TBCD: variants seen among roughly 807,000 people sequenced by gnomAD.
The protein encoded by TBCD is tubulin-specific chaperone D.
TBCD carries 105 observed loss-of-function variants against 169.3 expected under a neutral mutation model. That is an observed-to-expected ratio of 0.62 (90% CI 0.53 to 0.73). The LOEUF is 0.73. TBCD is among the 30% of genes least tolerant of loss of function. TBCD has a pLI of 0.00. For synonymous variants in TBCD, 700 were observed against 643.9 expected, an observed-to-expected ratio of 1.09 and a Z score of -1.32; for missense variants, 1,444 against 1,600.1, an observed-to-expected ratio of 0.90 and a Z score of 1.66.
chr17:82,818,180 A>G (rs2052097220), intron 13 of TBCD, among the ~76,000 whole-genome samples: 1 of 152,242 alleles, frequency 6.6e-6, no homozygotes. Flanking sequence ...GTGATGTGGA[A>G]TACACTGGCC....
At chr17:82,830,610 G>T (rs773596288) in intron 13 of TBCD, 1 of 1,613,950 alleles carries the variant, frequency 6.2e-7, no homozygotes, top group Non-Finnish European at 8.5e-7. Flanking sequence ...GTCGACCGGG[G>T]AAGGCAGGCC....
At chr17:82,821,538 A>G (rs970242443) in intron 13 of TBCD, among the ~76,000 whole-genome samples, 5 of 152,158 alleles carry the variant, frequency 3.3e-5, no homozygotes, top group South Asian at 2.1e-4. Context: ...AGCATCTACA[A>G]AGCTTTTCTC....
chr17:82,906,178 C>CA (rs1273185805), intron 20 of TBCD, 125 bp downstream of exon 20: 2 of 736,452 alleles, frequency 2.7e-6, no homozygotes, highest in African/African-American at 3.5e-5. Flanking sequence ...GCACCAGTGT[C>CA]ACAGTCGATA....
intron 13 of TBCD, among the ~76,000 whole-genome samples, chr17:82,854,818 A>C (rs1039182298): frequency 1.3e-5 from 2 of 152,230 alleles, no homozygotes; most frequent in Non-Finnish European, 2.9e-5. Context: ...TCTATCACGT[A>C]TTGAAAGAGT....
At chr17:82,847,364 A>C (rs1179225592) in intron 13 of TBCD, among the ~76,000 whole-genome samples, 1 of 149,860 alleles carries the variant, frequency 6.7e-6, no homozygotes, top group Non-Finnish European at 1.5e-5. Flanking sequence ...AAGAAAAAAA[A>C]AAAAAAAAAA....
intron 13 of TBCD, among the ~76,000 whole-genome samples, chr17:82,837,351 C>G (rs2054078465): frequency 6.6e-6 from 1 of 152,160 alleles, no homozygotes; most frequent in South Asian, 2.1e-4. Flanking sequence ...CTGGCAGCTG[C>G]TGGTGTTAAA....
intron 12 of TBCD, among the ~76,000 whole-genome samples, chr17:82,813,075 G>A (rs746719951): frequency 5.0e-5 from 7 of 139,482 alleles, no homozygotes; most frequent in South Asian, 2.3e-4. Flanking sequence ...CTCTTGCCTC[G>A]GTTTCCCAAA....
intron 7 of TBCD, among the ~76,000 whole-genome samples, chr17:82,783,096 A>AG (rs539963733): frequency 6.1e-5 from 2 of 32,972 alleles, no homozygotes; most frequent in Non-Finnish European, 1.3e-4. Context: ...AGCTGGGTGG[A>AG]GGGGGGCTGT....
Position 82,911,756 on chromosome 17 carries a change from A to C in TBCD, c.2007-2A>C. Reference sequence around the variant, plus strand: ...AATTCTGATGTTTTCATTCCTTTTCAGGGGTCTGGGAGGACAGCTCATGAG... The same window carrying C: ...AATTCTGATGTTTTCATTCCTTTTCCGGGGTCTGGGAGGACAGCTCATGAG... On this transcript the variant is annotated splice_acceptor_variant, in intron 22 of 38. Transcript: ENST00000355528. LOFTEE classifies it high-confidence loss of function. 1 of 1,613,790 alleles carries C rather than the reference A, an allele frequency of 6.2e-7. No individual in the cohort carries two copies. Among genetic ancestry groups the C allele is most frequent in the Non-Finnish European group, 8.5e-7 (1 of 1,179,818 alleles).
At chr17:82,769,998 C>T (rs1229815202) in intron 5 of TBCD, among the ~76,000 whole-genome samples, 3 of 152,230 alleles carry the variant, frequency 2.0e-5, no homozygotes, top group East Asian at 1.9e-4. Flanking sequence ...TTCTTACCCT[C>T]GTTTAACCGA....
At chr17:82,846,320 G>GCTGCCCCCTCCACGCGCTGCGTCCGGCA (rs2055098131) in intron 13 of TBCD, among the ~76,000 whole-genome samples, 1 of 104,314 alleles carries the variant, frequency 9.6e-6, no homozygotes, top group Non-Finnish European at 2.2e-5. Context: ...TGCGTCCAGC[G>GCTGCCCCCTCCACGCGCTGCGTCCGGCA]TGCCGTGTCC....
intron 23 of TBCD, among the ~76,000 whole-genome samples, chr17:82,916,386 A>G (rs2147056424): frequency 6.6e-6 from 1 of 152,234 alleles, no homozygotes; most frequent in East Asian, 1.9e-4. Flanking sequence ...CTGGGATTAC[A>G]GGCATGCGCC....
chr17:82,779,425 G>A (rs963266141), intron 6 of TBCD, among the ~76,000 whole-genome samples: 5 of 152,130 alleles, frequency 3.3e-5, no homozygotes, highest in African/African-American at 1.2e-4. Flanking sequence ...CCAGCCAAAT[G>A]ATTCTTTACT....
intron 6 of TBCD, among the ~76,000 whole-genome samples, chr17:82,774,304 C>G (rs990077265): frequency 6.6e-6 from 1 of 152,108 alleles, no homozygotes; most frequent in Non-Finnish European, 1.5e-5. Flanking sequence ...CATCTTGCAC[C>G]GCCCTTAATC....
At chr17:82,847,410 T>C (rs550295220) in intron 13 of TBCD, among the ~76,000 whole-genome samples, 51 of 150,884 alleles carry the variant, frequency 3.4e-4, no homozygotes, top group African/African-American at 1.2e-3. Context: ...AGTGGGGTTT[T>C]ACTGACTGTG....
At chr17:82,897,535 T>C (rs5822550) in intron 17 of TBCD, among the ~76,000 whole-genome samples, 51,016 of 137,208 alleles carry the variant, frequency 0.37, 9,811 homozygotes, top group African/African-American at 0.54. Flanking sequence ...AAAAAAAAAA[T>C]CAGCTTTATC....
intron 9 of TBCD, among the ~76,000 whole-genome samples, chr17:82,804,251 G>A (rs1197019593): frequency 6.6e-6 from 1 of 152,120 alleles, no homozygotes; most frequent in Non-Finnish European, 1.5e-5. Context: ...TAAGATGGCT[G>A]ATGATACTCT....
In TBCD at chr17:82,831,548, C is replaced by A. The variant is rs34566230; in HGVS notation, c.1318+16614C>A. 3.7e-6 allele frequency: 6 copies of A among 1,614,046 alleles called. No individual in the cohort carries two copies. Among genetic ancestry groups the A allele is most frequent in the Non-Finnish European group, 5.1e-6 (6 of 1,180,002 alleles). On this transcript the variant is annotated intron_variant, in intron 13 of 38. Coordinates refer to ENST00000355528, the MANE Select transcript of TBCD (RefSeq NM_005993.5). The surrounding 1 kb of genome is among the most constrained non-coding windows in gnomAD (Gnocchi z 4.6). ...TATTGCTGGAAAAACCTGTAGTGAT[C>A]GTATGTGGCTGGAGATGGAGCCAGG...
rs544330340 is a variant in TBCD, at chr17:82,895,272, G to A, written c.1649+1640G>A. 9.8e-4 allele frequency among the ~76,000 whole-genome samples: 149 copies of A among 152,296 alleles called. 1 individual carries two copies. The highest frequency in any genetic ancestry group is 4.6e-3 in the South Asian group (22 of 4,818). ...CCTCCAATCCTGAGGGCGGCATCAC[G>A]GGGACCTGCAGTCATGGCTGCACCC... On this transcript the variant is annotated intron_variant, in intron 17 of 38. Coordinates refer to ENST00000355528, the MANE Select transcript of TBCD (RefSeq NM_005993.5).
Sources: gnomAD v4.1 joint callset for allele counts (sites outside exome capture counted in the v4.1 genomes callset) on GRCh38, gnomAD v4.1.1 for gene constraint, Gnocchi (gnomAD v3.1) non-coding constraint, MANE v1.5 for transcripts, NCBI Gene and HGNC (gene_info 2026-07-23, HGNC 2026-07-21) for gene names.